The following IPMK variants were observed in gnomAD, a reference collection of about 807,000 sequenced individuals.
IPMK encodes inositol polyphosphate multikinase.
Under a neutral mutation model 45.8 loss-of-function variants are expected in IPMK, and 17 were observed. The ratio of observed to expected loss-of-function variants is 0.37; its 90% CI spans 0.25 to 0.56. IPMK has a LOEUF of 0.56. Ranked by LOEUF, IPMK falls within the 20% of genes least tolerant of loss-of-function variation. The probability of loss-of-function intolerance (pLI) is 0.79; values close to 1 mark genes in which losing one functional copy is unlikely to be tolerated. For synonymous variants in IPMK, 180 were observed against 184.3 expected, an observed-to-expected ratio of 0.98 and a Z score of 0.19; for missense variants, 399 against 498.0, an observed-to-expected ratio of 0.80 and a Z score of 1.89.
At chr10:58,216,672 A>G (rs929140802) in intron 3 of IPMK, among the ~76,000 whole-genome samples, 1 of 152,178 alleles carries the variant, frequency 6.6e-6, no homozygotes, top group Non-Finnish European at 1.5e-5. Context: ...GTTTCAGCAG[A>G]ACTCTTAGTA....
chr10:58,224,107 G>C (rs963580853), intron 3 of IPMK, among the ~76,000 whole-genome samples: 7 of 152,178 alleles, frequency 4.6e-5, no homozygotes, highest in African/African-American at 1.7e-4. Flanking sequence ...AGAATAATAA[G>C]TAGAGACCTT....
intron 4 of IPMK, chr10:58,212,556 C>A: frequency 4.6e-6 from 1 of 216,740 alleles, no homozygotes; most frequent in South Asian, 9.7e-5. Flanking sequence ...ATTTCTGAAC[C>A]ACCCTTAAAG....
chr10:58,244,710 T>A (rs1838769180), intron 1 of IPMK, among the ~76,000 whole-genome samples: 1 of 152,222 alleles, frequency 6.6e-6, no homozygotes, highest in South Asian at 2.1e-4. Flanking sequence ...AAAATTCTTC[T>A]GCCTTGGGAT....
At chr10:58,243,394 C>G (rs1459063375) in intron 1 of IPMK, among the ~76,000 whole-genome samples, 1 of 152,242 alleles carries the variant, frequency 6.6e-6, no homozygotes, top group East Asian at 1.9e-4. Flanking sequence ...CCTCTTTCTA[C>G]GGTCTCCCTC....
intron 4 of IPMK, among the ~76,000 whole-genome samples, chr10:58,214,847 T>C (rs550129714): frequency 1.3e-5 from 2 of 152,302 alleles, no homozygotes; most frequent in South Asian, 4.1e-4. Context: ...CTTTGTTTTT[T>C]CTCTTTTTTA....
chr10:58,267,887 C>T lies in IPMK; in HGVS notation c.-276G>A, dbSNP rs1405529946. The T allele has an allele frequency of 2.8e-6, 1 of 352,458 alleles. No homozygotes were observed. Among genetic ancestry groups the T allele is most frequent in the Non-Finnish European group, 5.1e-6 (1 of 195,964 alleles). 21.8% of individuals were successfully genotyped at this position (352,458 alleles called of 1,614,324 possible). A position where few individuals can be genotyped will look rare whatever the true frequency, so the allele number is the denominator to read the frequency against. On this transcript the variant is annotated 5_prime_UTR_variant, in exon 1 of 6. Coordinates refer to ENST00000373935, the MANE Select transcript of IPMK (RefSeq NM_152230.5). The stretch of plus-strand genomic sequence containing the variant: ...CGCTGCCCGGTAGACAGAACCGAGC[C>T]GAAGAACAGCAGCAGCGGCGCCCCG...
intron 4 of IPMK, among the ~76,000 whole-genome samples, chr10:58,211,791 T>TA (rs1838163482): frequency 2.1e-5 from 1 of 47,546 alleles, no homozygotes; most frequent in African/African-American, 8.9e-5. Context: ...CACATGCCTG[T>TA]AGTCCCAGCT....
In IPMK at chr10:58,245,239, G is replaced by C. The variant is rs561285744; in HGVS notation, c.191-7425C>G. On this transcript the variant is annotated intron_variant, in intron 1 of 5. Transcript: ENST00000373935. ...GATATTTAAAGCAGTTAAATTCTTA[G>C]AAAACAGAAAATAGAATGATAGCTG... Among the ~76,000 whole-genome samples, 28 of 150,990 alleles carry C rather than the reference G, an allele frequency of 1.9e-4. 1 individual carries two copies. The highest frequency in any genetic ancestry group is 6.7e-4 in the African/African-American group (27 of 40,362).
At chr10:58,236,733 C>G (rs2486479) in intron 2 of IPMK, among the ~76,000 whole-genome samples, 7 of 151,466 alleles carry the variant, frequency 4.6e-5, no homozygotes, top group Admixed American at 3.9e-4. Flanking sequence ...GTGAAACCCT[C>G]TCTCTACAAA....
At chr10:58,218,238 G>A (rs1241930183) in intron 3 of IPMK, among the ~76,000 whole-genome samples, 1 of 152,122 alleles carries the variant, frequency 6.6e-6, no homozygotes, top group Non-Finnish European at 1.5e-5. Context: ...CAGGATAAGA[G>A]AAAACAAAAG....
intron 4 of IPMK, among the ~76,000 whole-genome samples, chr10:58,209,685 A>T (rs548603464): frequency 6.6e-6 from 1 of 152,140 alleles, no homozygotes; most frequent in Non-Finnish European, 1.5e-5. Flanking sequence ...AGAATCCTTC[A>T]TCGTAGGTAG....
At chr10:58,217,643 G>A (rs546246773) in intron 3 of IPMK, among the ~76,000 whole-genome samples, 7 of 134,424 alleles carry the variant, frequency 5.2e-5, no homozygotes, top group East Asian at 4.5e-4. Flanking sequence ...AGCCGAGATC[G>A]CGCCATTGCA....
rs139934995 is a variant in IPMK at position 58,207,888 on chromosome 10, A to G, written c.546+8257T>C. 1.2e-3 allele frequency among the ~76,000 whole-genome samples: 177 copies of G among 152,234 alleles called. 2 individuals are homozygous for G. Among genetic ancestry groups the G allele is most frequent in the Non-Finnish European group, 3.4e-4 (23 of 68,006 alleles). On this transcript the variant is annotated intron_variant, in intron 4 of 5. Coordinates refer to ENST00000373935, the MANE Select transcript of IPMK (RefSeq NM_152230.5). ...CTTTTAGATTTCTTTAGGAAGACCA[A>G]TTATTCTTAGGTTTGGCCATTTAAC...
intron 4 of IPMK, among the ~76,000 whole-genome samples, chr10:58,214,270 G>A (rs986256328): frequency 3.3e-5 from 5 of 152,200 alleles, no homozygotes; most frequent in African/African-American, 1.2e-4. Flanking sequence ...AATGTGACGG[G>A]AAAGAACAAT....
chr10:58,243,466 C>T lies in IPMK; in HGVS notation c.191-5652G>A, dbSNP rs540263940. Reference sequence around the variant, plus strand: ...CTTGCTGCAACCTCGCTGCCTCGGGCTCGGGTGATTCTCCTGCCTCGGCCT... The same window carrying T: ...CTTGCTGCAACCTCGCTGCCTCGGGTTCGGGTGATTCTCCTGCCTCGGCCT... On this transcript the variant is annotated intron_variant, in intron 1 of 5. Transcript: ENST00000373935. Among the ~76,000 whole-genome samples, 410 of 152,306 alleles carry T rather than the reference C, an allele frequency of 2.7e-3. 3 individuals are homozygous for T. Among genetic ancestry groups the T allele is most frequent in the African/African-American group, 9.7e-3 (402 of 41,588 alleles).
At chr10:58,220,558 T>C (rs1229743307) in intron 3 of IPMK, among the ~76,000 whole-genome samples, 2 of 152,194 alleles carry the variant, frequency 1.3e-5, no homozygotes, top group Non-Finnish European at 2.9e-5. Flanking sequence ...AAAATGCAGA[T>C]AATTACAGAC....
rs1473925559 is a variant in IPMK at position 58,194,766 on chromosome 10, G to T, written c.*1310C>A. 2 of 151,914 alleles carry T rather than the reference G, an allele frequency of 1.3e-5. No homozygotes were observed. The highest frequency in any genetic ancestry group is 2.4e-5 in the African/African-American group (1 of 41,422). 9.4% of individuals were successfully genotyped at this position (151,914 alleles called of 1,614,324 possible). On this transcript the variant is annotated 3_prime_UTR_variant, in exon 6 of 6. Transcript: ENST00000373935. Reference sequence around the variant, plus strand: ...CTACCTAGAAATGTTATTAGTGAATGGAAGTGCAAGTAATGGCAGCATTAA... The same window carrying T: ...CTACCTAGAAATGTTATTAGTGAATTGAAGTGCAAGTAATGGCAGCATTAA...
intron 4 of IPMK, among the ~76,000 whole-genome samples, chr10:58,205,387 TC>T (rs1838056244): frequency 6.6e-6 from 1 of 151,962 alleles, no homozygotes; most frequent in South Asian, 2.1e-4. Context: ...ACATATGTAG[TC>T]AAAAACATTG....
At chr10:58,210,196 C>T (rs1269441719) in intron 4 of IPMK, among the ~76,000 whole-genome samples, 1 of 152,070 alleles carries the variant, frequency 6.6e-6, no homozygotes, top group Non-Finnish European at 1.5e-5. Flanking sequence ...TATAGTTTGC[C>T]AGAGAAGTGG....
Sources: gnomAD v4.1 joint callset for allele counts (sites outside exome capture counted in the v4.1 genomes callset) on GRCh38, gnomAD v4.1.1 for gene constraint, MANE v1.5 for transcripts, NCBI Gene and HGNC (gene_info 2026-07-23, HGNC 2026-07-21) for gene names.